Variants in TMEM221 observed in about 807,000 individuals in gnomAD.
The protein encoded by TMEM221 is Putative transmembrane protein ENSP00000342162.
TMEM221 carries 11 observed loss-of-function variants against 10.2 expected under a neutral mutation model. The ratio of observed to expected loss-of-function variants is 1.08; its 90% CI spans 0.68 to 1.79. The LOEUF is 1.79. TMEM221 is among the 40% of genes most tolerant of loss of function. The probability of loss-of-function intolerance (pLI) is 0.00; values close to 1 mark genes in which losing one functional copy is unlikely to be tolerated. For synonymous variants in TMEM221, 172 were observed against 199.8 expected (o/e 0.86, Z 1.18); for missense variants, 382 against 417.7 (o/e 0.91, Z 0.75).
At position 17,448,457 on chromosome 19, in the gene TMEM221, G is replaced by A; in HGVS notation, c.6C>T (p.Ala2=). 1 of 1,474,604 alleles carries A rather than the reference G, an allele frequency of 6.8e-7. No individual in the cohort carries two copies. The highest frequency in any genetic ancestry group is 8.9e-7 in the Non-Finnish European group (1 of 1,118,344). 91.3% of individuals were successfully genotyped at this position (1,474,604 alleles called of 1,614,324 possible). ...CCAGCACCCGGCCGCCGTAAGAACGGGCCATGGCGGGGGTTCCTGCGGGCC... is the reference window on the plus strand; with the variant it reads ...CCAGCACCCGGCCGCCGTAAGAACGAGCCATGGCGGGGGTTCCTGCGGGCC... M[A]RSYGGRVLAA... The change falls in exon 1 of 3, where the codon GCC becomes GCT. Residue 2 remains alanine (A), a synonymous_variant. Coordinates refer to ENST00000341130, the MANE Select transcript of TMEM221 (RefSeq NM_001190844.2). The surrounding 1 kb of genome is among the most constrained non-coding windows in gnomAD (Gnocchi z 4.7).
At chr19:17,445,578 C>T (rs954319253) in intron 1 of TMEM221, among the ~76,000 whole-genome samples, 5 of 152,086 alleles carry the variant, frequency 3.3e-5, no homozygotes, top group Non-Finnish European at 7.4e-5. Context: ...ATTTATCCAC[C>T]CATTCACCCA....
rs150655585 is a variant in TMEM221 at position 17,439,907 on chromosome 19, C to T, written c.407-2980G>A. Reference sequence around the variant, plus strand: ...GAACTGTTCACTTTAAAGTGGGTAACGGCTGGGCGAGGTGGCTCACACCTG... The same window carrying T: ...GAACTGTTCACTTTAAAGTGGGTAATGGCTGGGCGAGGTGGCTCACACCTG... On this transcript the variant is annotated intron_variant, in intron 2 of 2. Transcript: ENST00000341130. Among the ~76,000 whole-genome samples, 80 of 151,840 alleles carry T rather than the reference C, an allele frequency of 5.3e-4. 1 individual carries two copies. The highest frequency in any genetic ancestry group is 1.8e-3 in the African/African-American group (76 of 41,426).
chr19:17,448,307 C>T lies in TMEM221; in HGVS notation c.156G>A (p.Glu52=). ...RGLRAEGLGQ[E]LGAGPGLPED... ...CTGGCAGCCCGGGGCCGGCGCCCAG[C>T]TCCTGGCCCAGCCCCTCGGCGCGCA... Residue 52 remains glutamate, a synonymous_variant, in exon 1 of 3, where the codon GAG becomes GAA. Transcript: ENST00000341130. This position sits in a 1 kb window ranked among gnomAD's most constrained non-coding sequence, Gnocchi z 4.7. 8.0e-7 allele frequency: 1 copy of T among 1,247,672 alleles called. No individual in the cohort carries two copies. Among genetic ancestry groups the T allele is most frequent in the Non-Finnish European group, 1.0e-6 (1 of 996,860 alleles). The allele number at this position is 1,247,672 out of a possible 1,614,324, so 77.3% of individuals were successfully genotyped here.
At chr19:17,440,375 C>T (rs868287590) in intron 2 of TMEM221, among the ~76,000 whole-genome samples, 2 of 152,026 alleles carry the variant, frequency 1.3e-5, no homozygotes, top group Non-Finnish European at 2.9e-5. Flanking sequence ...TACAGCCGCC[C>T]GCCACCACAC....
At chr19:17,443,312 CATTT>C (rs36145674) in intron 2 of TMEM221, among the ~76,000 whole-genome samples, 112,077 of 146,530 alleles carry the variant, frequency 0.76, 45,030 homozygotes, top group Non-Finnish European at 0.9. Flanking sequence ...TCTTTTTAAA[CATTT>C]ATTTATTTAT....
chr19:17,440,507 G>A (rs2074927926), intron 2 of TMEM221, among the ~76,000 whole-genome samples: 1 of 152,134 alleles, frequency 6.6e-6, no homozygotes, highest in African/African-American at 2.4e-5. Context: ...TTACAGGCGT[G>A]AGCCACCGCG....
chr19:17,439,206 C>T (rs1335660163), intron 2 of TMEM221, among the ~76,000 whole-genome samples: 1 of 111,498 alleles, frequency 9.0e-6, no homozygotes, highest in Non-Finnish European at 1.8e-5. Context: ...GACTCCATCT[C>T]AAAAAAAAAA....
intron 1 of TMEM221, among the ~76,000 whole-genome samples, chr19:17,445,825 T>C (rs1397363528): frequency 6.6e-6 from 1 of 151,744 alleles, no homozygotes; most frequent in Admixed American, 6.6e-5. Context: ...CATCCACTCA[T>C]TCATTCATCC....
intron 1 of TMEM221, among the ~76,000 whole-genome samples, chr19:17,447,929 C>G (rs1324967915): frequency 2.0e-5 from 3 of 152,152 alleles, no homozygotes; most frequent in Non-Finnish European, 2.9e-5. Context: ...GCAGTGGTTG[C>G]ACCTGCTGCA....
rs1204076782 is a variant in TMEM221, at chr19:17,436,787, G to A, written c.547C>T (p.Leu183Phe). The A allele has an allele frequency of 6.6e-7, 1 of 1,518,710 alleles. No homozygotes were observed. Among genetic ancestry groups the A allele is most frequent in the East Asian group, 2.5e-5 (1 of 40,574 alleles). 94.1% of individuals were successfully genotyped at this position (1,518,710 alleles called of 1,614,324 possible). A position where few individuals can be genotyped will look rare whatever the true frequency, so the allele number is the denominator to read the frequency against. ...LRAARAARRG[L>F]HELSPPSFED... is the part of the protein sequence containing the mutation. The stretch of plus-strand genomic sequence containing the variant: ...AAGGATGGCGGGGACAACTCATGGA[G>A]CCCACGGCGGGCAGCCCGGGCAGCC... The change falls in exon 3 of 3, where the codon CTC (leucine) becomes TTC (phenylalanine). Residue 183 changes from leucine to phenylalanine, a missense_variant. Coordinates refer to ENST00000341130, the MANE Select transcript of TMEM221 (RefSeq NM_001190844.2).
At position 17,448,498 on chromosome 19, in the gene TMEM221, G is replaced by T. The variant is rs1437302354; in HGVS notation, c.-36C>A. On this transcript the variant is annotated 5_prime_UTR_variant, in exon 1 of 3. Coordinates refer to ENST00000341130, the MANE Select transcript of TMEM221 (RefSeq NM_001190844.2). This position sits in a 1 kb window ranked among gnomAD's most constrained non-coding sequence, Gnocchi z 4.7. ...CCTGCGGGCCGGGGGAAGAGTTGAG[G>T]AATTGAAGTGGTTTTAGAGGGCAGG... is the stretch of plus-strand genomic sequence containing the variant. 3 of 1,426,696 alleles carry T rather than the reference G, an allele frequency of 2.1e-6. No homozygotes were observed. The highest frequency in any genetic ancestry group is 1.4e-5 in the South Asian group (1 of 73,998). The allele number at this position is 1,426,696 out of a possible 1,614,324, so 88.4% of individuals were successfully genotyped here.
At chr19:17,439,172 A>C (rs1013382868) in intron 2 of TMEM221, among the ~76,000 whole-genome samples, 1 of 142,040 alleles carries the variant, frequency 7.0e-6, no homozygotes, top group Non-Finnish European at 1.5e-5. Flanking sequence ...ACGCCACTGC[A>C]CTCCAGCCTG....
chr19:17,440,222 A>ATTTT (rs71162130), intron 2 of TMEM221, among the ~76,000 whole-genome samples: 2 of 96,426 alleles, frequency 2.1e-5, no homozygotes, highest in East Asian at 2.9e-4. Context: ...TTAAAATGGT[A>ATTTT]TTTTTTTTTT....
In TMEM221 at chr19:17,436,502, C is replaced by G. The variant is rs998493787; in HGVS notation, c.832G>C (p.Gly278Arg). Residue 278 changes from glycine (G) to arginine (R), a missense_variant, in exon 3 of 3, where the codon GGC (glycine) becomes CGC (arginine). Coordinates refer to ENST00000341130, the MANE Select transcript of TMEM221 (RefSeq NM_001190844.2). ...GVTHEMRRML[G>R]HRPGSMGKDS... Reference sequence around the variant, plus strand: ...TTCCCCATGCTCCCTGGTCTGTGGCCCAGCATTCGACGCATCTCGTGCGTA... The same window carrying G: ...TTCCCCATGCTCCCTGGTCTGTGGCGCAGCATTCGACGCATCTCGTGCGTA... 6 of 1,533,706 alleles carry G rather than the reference C, an allele frequency of 3.9e-6. No individual in the cohort carries two copies. The East Asian group carries it at 1.5e-4, about 38-fold the overall frequency.
At chr19:17,441,128 A>T (rs1599618401) in intron 2 of TMEM221, among the ~76,000 whole-genome samples, 1 of 151,334 alleles carries the variant, frequency 6.6e-6, no homozygotes, top group African/African-American at 2.4e-5. Context: ...GAATCGCTTG[A>T]ATCTGGGAGG....
chr19:17,439,213 A>C (rs952334648), intron 2 of TMEM221, among the ~76,000 whole-genome samples: 4 of 151,210 alleles, frequency 2.6e-5, no homozygotes, highest in Non-Finnish European at 5.9e-5. Flanking sequence ...TCTCAAAAAA[A>C]AAAAAAAAGC....
In TMEM221 at chr19:17,448,466, G is replaced by C; in HGVS notation, c.-4C>G. The stretch of plus-strand genomic sequence containing the variant: ...GGCCGCCGTAAGAACGGGCCATGGC[G>C]GGGGTTCCTGCGGGCCGGGGGAAGA... On this transcript the variant is annotated 5_prime_UTR_variant, in exon 1 of 3. Coordinates refer to ENST00000341130, the MANE Select transcript of TMEM221 (RefSeq NM_001190844.2). This position sits in a 1 kb window ranked among gnomAD's most constrained non-coding sequence, Gnocchi z 4.7. The C allele has an allele frequency of 2.0e-6, 3 of 1,470,338 alleles. No individual in the cohort carries two copies. Among genetic ancestry groups the C allele is most frequent in the African/African-American group, 2.9e-5 (2 of 68,142 alleles). 91.1% of individuals were successfully genotyped at this position (1,470,338 alleles called of 1,614,324 possible).
chr19:17,445,385 G>A (rs149788946), intron 1 of TMEM221, 101 bp from the exon 2 acceptor site: 2 of 986,538 alleles, frequency 2.0e-6, no homozygotes, highest in African/African-American at 3.3e-5. Context: ...ATGAGACAAG[G>A]ACCCAGCTTT....
intron 2 of TMEM221, among the ~76,000 whole-genome samples, chr19:17,440,804 C>G (rs1479058668): frequency 6.6e-6 from 1 of 152,170 alleles, no homozygotes; most frequent in Non-Finnish European, 1.5e-5. Flanking sequence ...GAGGAGCCAG[C>G]CTCTGCTCTC....
Sources: allele counts gnomAD v4.1 joint callset (sites outside exome capture counted in the v4.1 genomes callset), GRCh38; gene constraint gnomAD v4.1.1; non-coding constraint Gnocchi (gnomAD v3.1); transcripts MANE v1.5; gene names NCBI Gene and HGNC (gene_info 2026-07-23, HGNC 2026-07-21).